The following TOGARAM2 variants were observed in gnomAD, a reference collection of about 807,000 sequenced individuals.
The protein encoded by TOGARAM2 is TOG array regulator of axonemal microtubules protein 2.
A neutral mutation model predicts 93.3 loss-of-function variants in TOGARAM2; 85 were observed. The ratio of observed to expected loss-of-function variants is 0.91; its 90% CI spans 0.76 to 1.09. The LOEUF (loss-of-function observed/expected upper bound fraction) is 1.09. Among genes scored for constraint, TOGARAM2 ranks in the 50% least tolerant of loss-of-function variants. TOGARAM2 has a pLI of 0.00. For missense variants in TOGARAM2, 1,277 were observed against 1,334.5 expected, an observed-to-expected ratio of 0.96 and a Z score of 0.67; for synonymous variants, 593 against 552.8, an observed-to-expected ratio of 1.07 and a Z score of -1.02.
chr2:28,972,727 A>G (rs1272674757), intron 1 of TOGARAM2, among the ~76,000 whole-genome samples: 1 of 152,144 alleles, frequency 6.6e-6, no homozygotes, highest in African/African-American at 2.4e-5. Context: ...CGTAGGCTCC[A>G]CCTTGCATGT....
intron 14 of TOGARAM2, among the ~76,000 whole-genome samples, chr2:29,029,241 A>ATATG (rs991711998): frequency 6.8e-6 from 1 of 148,078 alleles, no homozygotes; most frequent in Non-Finnish European, 1.5e-5. Flanking sequence ...AGAAACTGTG[A>ATATG]TATGTATGTA....
At chr2:28,988,633 G>GAGAACAAACAAGCAAAC (rs1472907572) in intron 1 of TOGARAM2, among the ~76,000 whole-genome samples, 2 of 152,066 alleles carry the variant, frequency 1.3e-5, no homozygotes, top group African/African-American at 4.8e-5. Flanking sequence ...AAAAAATACA[G>GAGAACAAACAAGCAAAC]AGAACAAACA....
chr2:29,020,974 C>G (rs991722307), intron 10 of TOGARAM2, among the ~76,000 whole-genome samples: 1 of 152,144 alleles, frequency 6.6e-6, no homozygotes, highest in Non-Finnish European at 1.5e-5. Context: ...AGTGCAGTGA[C>G]ATGATCTCGG....
intron 7 of TOGARAM2, among the ~76,000 whole-genome samples, chr2:29,011,795 C>A (rs572142703): frequency 2.0e-4 from 30 of 152,302 alleles, no homozygotes; most frequent in African/African-American, 7.0e-4. Context: ...CAATTCTGGC[C>A]GTGTGTGACA....
intron 7 of TOGARAM2, among the ~76,000 whole-genome samples, 181 bp from the exon 8 acceptor site, chr2:29,014,214 C>T (rs1170395388): frequency 6.6e-6 from 1 of 152,210 alleles, no homozygotes; most frequent in Non-Finnish European, 1.5e-5. Flanking sequence ...TGCTGGTCCA[C>T]AGGTAGTCTG....
intron 13 of TOGARAM2, 34 bp downstream of exon 13, chr2:29,024,408 AG>A: frequency 7.5e-7 from 1 of 1,333,440 alleles, no homozygotes; most frequent in Non-Finnish European, 1.0e-6. Flanking sequence ...GGGGCGGGGA[AG>A]TCAGGGAAGG....
Position 29,024,378 on chromosome 2 carries a change from T to C in TOGARAM2, c.1853+4T>C, listed in dbSNP as rs1665191254. 3 of 1,585,392 alleles carry C rather than the reference T, an allele frequency of 1.9e-6. No individual in the cohort carries two copies. Among genetic ancestry groups the C allele is most frequent in the Non-Finnish European group, 2.6e-6 (3 of 1,164,770 alleles). ...TCCTCACCTCGGCGGGTGTCTAGTA[T>C]GTGGCTGCCTGTTGTCTGAGGGGCG... On this transcript the variant is annotated splice_donor_region_variant and intron_variant, in intron 13 of 19. Transcript: ENST00000379558.
chr2:29,041,657 G>A (rs1248547339), intron 18 of TOGARAM2, among the ~76,000 whole-genome samples: 1 of 152,196 alleles, frequency 6.6e-6, no homozygotes, highest in Non-Finnish European at 1.5e-5. Flanking sequence ...CCTCATTGTA[G>A]AGAGGGGAGT....
chr2:28,979,705 G>A (rs1404770712), upstream of TOGARAM2, among the ~76,000 whole-genome samples: 5 of 152,050 alleles, frequency 3.3e-5, no homozygotes, highest in Non-Finnish European at 5.9e-5. Context: ...GAGAGCCCAG[G>A]AGCTGAAGGA....
chr2:29,033,947 A>G (rs1665932615), intron 16 of TOGARAM2, among the ~76,000 whole-genome samples: 1 of 152,136 alleles, frequency 6.6e-6, no homozygotes, highest in African/African-American at 2.4e-5. Context: ...AGCCTGAACT[A>G]AGGCAGATGA....
chr2:29,022,058 G>A, intron 10 of TOGARAM2, 100 bp from the exon 11 acceptor site: 3 of 1,507,108 alleles, frequency 2.0e-6, no homozygotes, highest in Non-Finnish European at 2.7e-6. Context: ...GGCTCAGGGT[G>A]GTGGCACGGC....
intron 2 of TOGARAM2, among the ~76,000 whole-genome samples, chr2:28,995,246 G>A (rs567505151): frequency 9.4e-4 from 144 of 152,386 alleles, no homozygotes; most frequent in African/African-American, 3.3e-3. Context: ...ACCAAGTGGG[G>A]TAGTGGGAGC....
chr2:28,965,341 T>C (rs1572615948), intron 1 of TOGARAM2, among the ~76,000 whole-genome samples: 1 of 152,168 alleles, frequency 6.6e-6, no homozygotes, highest in African/African-American at 2.4e-5. Context: ...ATTGCCCTTT[T>C]CCCCCTTCTT....
chr2:29,042,078 G>A (rs1666469290), intron 18 of TOGARAM2, among the ~76,000 whole-genome samples: 1 of 152,200 alleles, frequency 6.6e-6, no homozygotes, highest in Admixed American at 6.5e-5. Context: ...GTAAAATATG[G>A]AAGAACCAGG....
At chr2:29,005,258 C>A (rs980282692) in intron 6 of TOGARAM2, among the ~76,000 whole-genome samples, 3 of 138,060 alleles carry the variant, frequency 2.2e-5, no homozygotes, top group African/African-American at 8.4e-5. Flanking sequence ...TGTGTGAGTG[C>A]ATGTGTGTGG....
Position 29,040,816 on chromosome 2 carries a change from T to C in TOGARAM2, c.2635+4059T>C, listed in dbSNP as rs1033873405. On this transcript the variant is annotated intron_variant, in intron 18 of 19. Transcript: ENST00000379558. The stretch of plus-strand genomic sequence containing the variant: ...TTCAGCCTGCTGCCACTAGACTCTC[T>C]CCCCTGTAGGTAAGCCCCTAATAAA... 3.9e-5 allele frequency among the ~76,000 whole-genome samples: 6 copies of C among 152,258 alleles called. No individual in the cohort carries two copies. The East Asian group carries it at 1.2e-3, about 29-fold the overall frequency.
chr2:29,002,626 G>A lies in TOGARAM2; in HGVS notation c.518G>A (p.Arg173Lys). 6.2e-7 allele frequency: 1 copy of A among 1,613,970 alleles called. No homozygotes were observed. The highest frequency in any genetic ancestry group is 8.5e-7 in the Non-Finnish European group (1 of 1,179,884). ...ATSQRLLRVPRPMPLIQSIPT... is the reference protein window; with the variant it reads ...ATSQRLLRVPKPMPLIQSIPT... Reference sequence around the variant, plus strand: ...TCTCAGAGGCTGCTGAGGGTGCCCAGGCCGATGCCTCTCATCCAGAGCATC... The same window carrying A: ...TCTCAGAGGCTGCTGAGGGTGCCCAAGCCGATGCCTCTCATCCAGAGCATC... The change falls in exon 5 of 20, where the codon AGG (arginine) becomes AAG (lysine). Residue 173 changes from arginine (R) to lysine (K), a missense_variant. Physicochemically the swap from Arg to Lys is conservative, Grantham distance 26. Coordinates refer to ENST00000379558, the MANE Select transcript of TOGARAM2 (RefSeq NM_199280.4).
chr2:28,961,784 A>G (rs1256387691), intron 1 of TOGARAM2, among the ~76,000 whole-genome samples: 1 of 152,234 alleles, frequency 6.6e-6, no homozygotes, highest in Admixed American at 6.5e-5. Flanking sequence ...CAGCTTCCCA[A>G]TTAATCCCAA....
At chr2:28,970,719 G>GA (rs1671937954) in intron 1 of TOGARAM2, among the ~76,000 whole-genome samples, 2 of 152,186 alleles carry the variant, frequency 1.3e-5, no homozygotes, top group Non-Finnish European at 2.9e-5. Context: ...CCACTCTATT[G>GA]GCTGACCTGA....
Sources: allele counts gnomAD v4.1 joint callset (sites outside exome capture counted in the v4.1 genomes callset), GRCh38; gene constraint gnomAD v4.1.1; transcripts MANE v1.5; gene names NCBI Gene and HGNC (gene_info 2026-07-23, HGNC 2026-07-21).